Variants in SEMA3A observed in about 807,000 individuals in gnomAD.
The protein encoded by SEMA3A is semaphorin 3A, also known as semaphorin-3A.
In SEMA3A, 29 loss-of-function variants were observed where a neutral mutation model predicts 97.9. That is an observed-to-expected ratio of 0.30 (90% confidence interval 0.22 to 0.40). The LOEUF (loss-of-function observed/expected upper bound fraction) is 0.40. Ranked by LOEUF, SEMA3A falls within the 10% of genes least tolerant of loss-of-function variation. The pLI, the probability that SEMA3A is intolerant of heterozygous loss-of-function variation, is 1.00. For missense variants in SEMA3A, 763 were observed against 951.3 expected, an observed-to-expected ratio of 0.80 and a Z score of 2.60; for synonymous variants, 321 against 323.7, an observed-to-expected ratio of 0.99 and a Z score of 0.09.
intron 3 of SEMA3A, among the ~76,000 whole-genome samples, chr7:84,259,208 C>G (rs1799786943): frequency 1.3e-5 from 2 of 152,138 alleles, no homozygotes; most frequent in Non-Finnish European, 2.9e-5. Context: ...TTAGTTTACA[C>G]TATAGGTGAT....
chr7:84,029,209 T>C (rs1791653453), intron 6 of SEMA3A, among the ~76,000 whole-genome samples: 1 of 152,222 alleles, frequency 6.6e-6, no homozygotes, highest in Non-Finnish European at 1.5e-5. Flanking sequence ...TCGTGACCTA[T>C]GCTTAAACTC....
chr7:84,386,792 G>A (rs181373154), intron 1 of SEMA3A, among the ~76,000 whole-genome samples: 72 of 152,202 alleles, frequency 4.7e-4, no homozygotes, highest in African/African-American at 1.6e-3. Context: ...TTGAGGTCAG[G>A]AGTTCTACAT....
chr7:84,190,362 A>G (rs1320532362), intron 1 of SEMA3A, among the ~76,000 whole-genome samples: 2 of 151,714 alleles, frequency 1.3e-5, no homozygotes, highest in African/African-American at 4.8e-5. Context: ...AGTGTGTTTA[A>G]ATTCAAGATT....
chr7:84,161,413 C>T lies in SEMA3A; in HGVS notation c.113-26462G>A, dbSNP rs531685734. 3.4e-3 allele frequency among the ~76,000 whole-genome samples: 511 copies of T among 152,064 alleles called. 1 individual carries two copies. Among genetic ancestry groups the T allele is most frequent in the African/African-American group, 0.012 (477 of 41,478 alleles). The stretch of plus-strand genomic sequence containing the variant: ...TAATCTAGAAATTAACATGTAAAAA[C>T]ACAATCCTTAGACTACAAAGCACTG... On this transcript the variant is annotated intron_variant, in intron 1 of 16. Transcript: ENST00000265362.
chr7:84,022,226 C>T (rs1022406097), intron 6 of SEMA3A, among the ~76,000 whole-genome samples: 6 of 152,110 alleles, frequency 3.9e-5, no homozygotes, highest in African/African-American at 7.2e-5. Context: ...AAACTCCCTA[C>T]GGAAAAGGTT....
At chr7:84,075,456 G>T (rs1793912288) in intron 4 of SEMA3A, among the ~76,000 whole-genome samples, 1 of 133,228 alleles carries the variant, frequency 7.5e-6, no homozygotes, top group Non-Finnish European at 1.6e-5. Context: ...ACTGCACCTG[G>T]TCTTTTTTTT....
intron 3 of SEMA3A, among the ~76,000 whole-genome samples, chr7:84,236,732 C>T (rs1032497351): frequency 6.6e-6 from 1 of 152,076 alleles, no homozygotes; most frequent in Non-Finnish European, 1.5e-5. Flanking sequence ...CTCTCTTGAT[C>T]GTTTTGCCTC....
intron 1 of SEMA3A, among the ~76,000 whole-genome samples, chr7:84,458,755 T>C (rs1805749102): frequency 6.6e-6 from 1 of 152,136 alleles, no homozygotes; most frequent in African/African-American, 2.4e-5. Context: ...GTTTAAGGAT[T>C]AAATCAGGGT....
intron 3 of SEMA3A, among the ~76,000 whole-genome samples, chr7:84,221,051 T>A (rs1173518952): frequency 6.6e-6 from 1 of 152,158 alleles, no homozygotes; most frequent in Non-Finnish European, 1.5e-5. Context: ...TTTAGTGTAG[T>A]CACCTTCATC....
chr7:84,120,884 AGT>A (rs1275831132), intron 3 of SEMA3A, among the ~76,000 whole-genome samples: 4 of 152,204 alleles, frequency 2.6e-5, no homozygotes, highest in Non-Finnish European at 1.5e-5. Flanking sequence ...TCACAAAAAT[AGT>A]GCTAGCTAGA....
At chr7:84,355,404 A>C (rs1802533322) in intron 2 of SEMA3A, among the ~76,000 whole-genome samples, 1 of 151,898 alleles carries the variant, frequency 6.6e-6, no homozygotes, top group Admixed American at 6.6e-5. Flanking sequence ...CTGAGTCTTC[A>C]GTTATGTAGG....
At chr7:84,261,334 G>C (rs1799851470) in intron 3 of SEMA3A, among the ~76,000 whole-genome samples, 1 of 152,144 alleles carries the variant, frequency 6.6e-6, no homozygotes, top group Non-Finnish European at 1.5e-5. Flanking sequence ...AGGACTCACT[G>C]AATGGCAGGA....
chr7:84,152,821 G>A (rs1353737140), intron 1 of SEMA3A, among the ~76,000 whole-genome samples: 8 of 152,076 alleles, frequency 5.3e-5, no homozygotes, highest in Middle Eastern at 3.4e-3. Flanking sequence ...TTTCCTGTAA[G>A]AGAATTATGT....
intron 1 of SEMA3A, among the ~76,000 whole-genome samples, chr7:84,487,381 T>C (rs1396956115): frequency 3.3e-5 from 5 of 152,030 alleles, no homozygotes; most frequent in Non-Finnish European, 7.4e-5. Flanking sequence ...CTACTCAGAC[T>C]ACCCAGATCT....
At chr7:84,439,715 A>T (rs1805223566) in intron 1 of SEMA3A, among the ~76,000 whole-genome samples, 4 of 152,226 alleles carry the variant, frequency 2.6e-5, no homozygotes, top group Non-Finnish European at 5.9e-5. Flanking sequence ...TTAAATCTGT[A>T]AACACAAAAG....
At chr7:84,114,516 T>C (rs930243565) in intron 3 of SEMA3A, among the ~76,000 whole-genome samples, 1 of 152,136 alleles carries the variant, frequency 6.6e-6, no homozygotes, top group African/African-American at 2.4e-5. Context: ...GTGCATAATC[T>C]AGCAGCTGGG....
chr7:84,038,524 G>A (rs1466656729), intron 6 of SEMA3A, among the ~76,000 whole-genome samples: 1 of 151,924 alleles, frequency 6.6e-6, no homozygotes, highest in African/African-American at 2.4e-5. Flanking sequence ...CATTTGAAAA[G>A]GAGAAATTGA....
intron 6 of SEMA3A, among the ~76,000 whole-genome samples, chr7:84,033,322 A>T (rs1162975112): frequency 6.6e-6 from 1 of 152,208 alleles, no homozygotes; most frequent in Non-Finnish European, 1.5e-5. Context: ...AGAAAAATTT[A>T]AAAGCAAAAA....
intron 6 of SEMA3A, among the ~76,000 whole-genome samples, chr7:84,017,558 A>G (rs889665897): frequency 5.9e-5 from 9 of 152,188 alleles, no homozygotes; most frequent in Admixed American, 5.2e-4. Flanking sequence ...GACTTGAAAA[A>G]CAATCATTCC....
Sources: gnomAD v4.1 joint callset for allele counts (sites outside exome capture counted in the v4.1 genomes callset) on GRCh38, gnomAD v4.1.1 for gene constraint, MANE v1.5 for transcripts, NCBI Gene and HGNC (gene_info 2026-07-23, HGNC 2026-07-21) for gene names.